SAMMSON: variants seen among roughly 807,000 people sequenced by gnomAD.
SAMMSON encodes long intergenic non-protein coding RNA 1212.
chr3:70,075,050 C>G (rs1431167658), intron 4 of SAMMSON: 1 of 152,030 alleles, frequency 6.6e-6, no homozygotes, highest in African/African-American at 2.4e-5. Context: ...CCAGGAACTC[C>G]TCAGTGAGTT....
At chr3:70,161,843 C>G (rs956214535) in intron 4 of SAMMSON, among the ~76,000 whole-genome samples, 3 of 151,084 alleles carry the variant, frequency 2.0e-5, no homozygotes, top group African/African-American at 7.3e-5. Context: ...ATTTGTTATT[C>G]AAATTTTCTA....
intron 6 of SAMMSON, among the ~76,000 whole-genome samples, chr3:70,253,974 G>T (rs965232088): frequency 1.3e-5 from 2 of 152,052 alleles, no homozygotes; most frequent in African/African-American, 4.8e-5. Context: ...GCATAATATA[G>T]CTAGCTCAGA....
chr3:70,047,105 A>G, intron 3 of SAMMSON, among the ~76,000 whole-genome samples: 1 of 152,140 alleles, frequency 6.6e-6, no homozygotes, highest in Non-Finnish European at 1.5e-5. Flanking sequence ...GCTCACAGAA[A>G]GATAAAGAAT....
At chr3:70,255,124 T>C (rs1701802959) in intron 6 of SAMMSON, among the ~76,000 whole-genome samples, 1 of 152,224 alleles carries the variant, frequency 6.6e-6, no homozygotes, top group African/African-American at 2.4e-5. Flanking sequence ...AGTGAACTAG[T>C]GGAATTCTTA....
chr3:70,232,423 G>A (rs573242108), intron 4 of SAMMSON, among the ~76,000 whole-genome samples: 3 of 149,026 alleles, frequency 2.0e-5, no homozygotes, highest in Admixed American at 6.7e-5. Context: ...TTTTTCTTGC[G>A]ATGGAGTCTC....
chr3:70,431,750 C>T (rs963787360), intron 2 of SAMMSON, among the ~76,000 whole-genome samples: 3 of 151,962 alleles, frequency 2.0e-5, no homozygotes, highest in Non-Finnish European at 2.9e-5. Flanking sequence ...CCTTTTCCAT[C>T]CAATTTCCCT....
chr3:70,127,466 AC>A (rs2067464452), intron 4 of SAMMSON, among the ~76,000 whole-genome samples: 1 of 152,172 alleles, frequency 6.6e-6, no homozygotes, highest in South Asian at 2.1e-4. Context: ...CTCTAGGCAG[AC>A]CAGGGAAGTT....
intron 9 of SAMMSON, among the ~76,000 whole-genome samples, chr3:70,372,083 T>C (rs1702974967): frequency 6.6e-6 from 1 of 152,176 alleles, no homozygotes; most frequent in Non-Finnish European, 1.5e-5. Flanking sequence ...ATGTGTCTAT[T>C]GAGAATCATC....
intron 4 of SAMMSON, among the ~76,000 whole-genome samples, chr3:70,241,859 T>C (rs989490091): frequency 2.6e-5 from 4 of 152,148 alleles, no homozygotes; most frequent in Non-Finnish European, 5.9e-5. Flanking sequence ...GCTCACACAG[T>C]GTGTAAGTAG....
At chr3:70,226,183 A>T (rs1253089834) in intron 4 of SAMMSON, among the ~76,000 whole-genome samples, 4 of 152,218 alleles carry the variant, frequency 2.6e-5, no homozygotes, top group Non-Finnish European at 5.9e-5. Flanking sequence ...CATTCGATAA[A>T]CATTTATGAA....
At chr3:70,333,177 G>C (rs1575627574) in intron 7 of SAMMSON, among the ~76,000 whole-genome samples, 1 of 151,338 alleles carries the variant, frequency 6.6e-6, no homozygotes, top group Admixed American at 6.6e-5. Context: ...TTCCCCACTC[G>C]TTCTTCCTTG....
chr3:70,163,395 G>T (rs2067624322), intron 4 of SAMMSON, among the ~76,000 whole-genome samples: 1 of 148,234 alleles, frequency 6.7e-6, no homozygotes. Context: ...GGTTGCTCTG[G>T]GTATTACAAT....
At chr3:70,295,003 G>A (rs1462190325) in intron 7 of SAMMSON, among the ~76,000 whole-genome samples, 1 of 152,102 alleles carries the variant, frequency 6.6e-6, no homozygotes, top group Non-Finnish European at 1.5e-5. Context: ...TAGCAGATGG[G>A]TTCTCATGTC....
chr3:70,388,272 A>G (rs910836297), intron 9 of SAMMSON, among the ~76,000 whole-genome samples: 29 of 152,140 alleles, frequency 1.9e-4, no homozygotes, highest in Non-Finnish European at 3.7e-4. Flanking sequence ...TCCTTGGTCT[A>G]TGTATTATCT....
At chr3:70,137,601 A>T (rs2067511205) in intron 4 of SAMMSON, 1 of 152,170 alleles carries the variant, frequency 6.6e-6, no homozygotes, top group South Asian at 2.1e-4. Context: ...TACAGAAAAC[A>T]TTTGCCAGTT....
intron 7 of SAMMSON, among the ~76,000 whole-genome samples, chr3:70,304,417 A>T (rs147810282): frequency 1.3e-5 from 2 of 152,196 alleles, no homozygotes; most frequent in Non-Finnish European, 2.9e-5. Flanking sequence ...GACAGTTTCC[A>T]TGGGGATACC....
intron 7 of SAMMSON, among the ~76,000 whole-genome samples, chr3:70,337,470 C>T (rs1277392897): frequency 6.6e-6 from 1 of 151,560 alleles, no homozygotes; most frequent in African/African-American, 2.4e-5. Context: ...TTAATTTTCT[C>T]TAGGGAAAAG....
At chr3:70,297,580 T>A (rs1299934483) in intron 7 of SAMMSON, among the ~76,000 whole-genome samples, 1 of 152,148 alleles carries the variant, frequency 6.6e-6, no homozygotes, top group Non-Finnish European at 1.5e-5. Context: ...TATATTTGTG[T>A]TATCGGAATT....
intron 2 of SAMMSON, among the ~76,000 whole-genome samples, chr3:70,408,755 G>C (rs1389517783): frequency 6.6e-6 from 1 of 152,088 alleles, no homozygotes; most frequent in Non-Finnish European, 1.5e-5. Context: ...CTGTTACCCA[G>C]TTCCAAAGTC....
Sources: allele counts gnomAD v4.1 joint callset (sites outside exome capture counted in the v4.1 genomes callset), GRCh38; gene constraint gnomAD v4.1.1; transcripts MANE v1.5; gene names NCBI Gene and HGNC (gene_info 2026-07-23, HGNC 2026-07-21).